The following DIAPH3 variants were observed in gnomAD, a reference collection of about 807,000 sequenced individuals.
The protein encoded by DIAPH3 is diaphanous related formin 3.
A neutral mutation model predicts 144.3 loss-of-function variants in DIAPH3; 117 were observed. The ratio of observed to expected loss-of-function variants is 0.81; its 90% confidence interval spans 0.70 to 0.95. The LOEUF (loss-of-function observed/expected upper bound fraction) is 0.95. Among genes scored for constraint, DIAPH3 ranks in the 40% least tolerant of loss-of-function variants. The pLI, the probability that DIAPH3 is intolerant of heterozygous loss-of-function variation, is 0.00. For missense variants in DIAPH3, 1,421 were observed against 1,412.7 expected, an observed-to-expected ratio of 1.01 and a Z score of -0.09; for synonymous variants, 519 against 488.9, an observed-to-expected ratio of 1.06 and a Z score of -0.81.
intron 25 of DIAPH3, among the ~76,000 whole-genome samples, chr13:59,780,949 A>C (rs949291150): frequency 6.6e-6 from 1 of 152,190 alleles, no homozygotes; most frequent in African/African-American, 2.4e-5. Context: ...TATTGTAAAA[A>C]ATACTCATTC....
intron 1 of DIAPH3, among the ~76,000 whole-genome samples, chr13:60,137,742 C>CTTT (rs35703399): frequency 1.7e-4 from 22 of 125,714 alleles, no homozygotes; most frequent in Non-Finnish European, 3.3e-4. Context: ...TTAAAATTGA[C>CTTT]TTTTTTTTTT....
At chr13:59,933,123 A>G (rs1284313538) in intron 17 of DIAPH3, among the ~76,000 whole-genome samples, 1 of 152,228 alleles carries the variant, frequency 6.6e-6, no homozygotes, top group Non-Finnish European at 1.5e-5. Flanking sequence ...GTTTTTGTAC[A>G]AAATACTATT....
chr13:59,994,975 G>T (rs2052100189), intron 9 of DIAPH3, among the ~76,000 whole-genome samples: 1 of 151,798 alleles, frequency 6.6e-6, no homozygotes, highest in South Asian at 2.1e-4. Context: ...TTTTGAGCAA[G>T]GAGGAAGGTT....
chr13:60,100,134 G>A (rs1000909047), intron 3 of DIAPH3, among the ~76,000 whole-genome samples: 9 of 152,112 alleles, frequency 5.9e-5, no homozygotes, highest in African/African-American at 2.2e-4. Flanking sequence ...CTTAATTATA[G>A]AGGGGAAATA....
chr13:59,793,353 C>T (rs1212599557), intron 25 of DIAPH3, among the ~76,000 whole-genome samples: 1 of 152,162 alleles, frequency 6.6e-6, no homozygotes, highest in Non-Finnish European at 1.5e-5. Context: ...AAAACACCTG[C>T]TTTGTCCTCC....
At chr13:60,111,903 A>G (rs1203094192) in intron 3 of DIAPH3, 107 bp downstream of exon 3, 2 of 1,083,960 alleles carry the variant, frequency 1.8e-6, no homozygotes, top group Non-Finnish European at 2.8e-6. Context: ...GTGACATCAG[A>G]AATTAGCCTA....
At position 59,919,802 on chromosome 13, in the gene DIAPH3, T is replaced by C. The variant is rs557243864; in HGVS notation, c.2171-3553A>G. Among the ~76,000 whole-genome samples the C allele has an allele frequency of 3.3e-5, 5 of 152,196 alleles. No individual in the cohort carries two copies. The East Asian group carries it at 7.7e-4, about 23-fold the overall frequency. On this transcript the variant is annotated intron_variant, in intron 18 of 27. Coordinates refer to ENST00000400324, the MANE Select transcript of DIAPH3 (RefSeq NM_001042517.2). ...GTGGTATGTAAATCACTTGTATCTT[T>C]AAAAGGGAGAATAGAGGACAAAACT...
At chr13:59,997,965 T>G (rs2052307465) in intron 9 of DIAPH3, among the ~76,000 whole-genome samples, 1 of 152,118 alleles carries the variant, frequency 6.6e-6, no homozygotes, top group Admixed American at 6.6e-5. Context: ...TATCTGGGCC[T>G]GGAAGATACA....
Position 59,940,058 on chromosome 13 carries a change from T to C in DIAPH3, c.2075-15188A>G, listed in dbSNP as rs576010700. ...TACTTATAAAATGAAAATCTCCCAATGTTTTCGAGCCTGCCCCCACTCCCC... is the reference window on the plus strand; with the variant it reads ...TACTTATAAAATGAAAATCTCCCAACGTTTTCGAGCCTGCCCCCACTCCCC... On this transcript the variant is annotated intron_variant, in intron 17 of 27. Transcript: ENST00000400324. Among the ~76,000 whole-genome samples the C allele has an allele frequency of 5.3e-5, 8 of 152,224 alleles. No homozygotes were observed. The South Asian group carries it at 1.7e-3, about 32-fold the overall frequency.
At chr13:60,090,460 G>A (rs2800305) in intron 4 of DIAPH3, among the ~76,000 whole-genome samples, 96,266 of 151,690 alleles carry the variant, frequency 0.63, 30,992 homozygotes, top group Admixed American at 0.72. Flanking sequence ...TTCAAACCAT[G>A]CACTGTTAGA....
intron 17 of DIAPH3, among the ~76,000 whole-genome samples, chr13:59,936,550 C>A (rs1400589764): frequency 5.3e-5 from 8 of 152,106 alleles, no homozygotes; most frequent in Non-Finnish European, 1.0e-4. Flanking sequence ...AAAGTTAAGC[C>A]TATCTATCAC....
intron 25 of DIAPH3, among the ~76,000 whole-genome samples, chr13:59,796,447 AGTT>A (rs890069858): frequency 3.9e-4 from 60 of 152,328 alleles, no homozygotes; most frequent in African/African-American, 1.4e-3. Context: ...GAAAATGAGA[AGTT>A]GTCAGTCTGT....
At chr13:59,793,978 A>G (rs534184630) in intron 25 of DIAPH3, among the ~76,000 whole-genome samples, 50 of 152,332 alleles carry the variant, frequency 3.3e-4, no homozygotes, top group African/African-American at 1.2e-3. Context: ...CTTTACAATC[A>G]AGCAAAGCAA....
At chr13:59,981,042 A>AT (rs1230011365) in intron 13 of DIAPH3, among the ~76,000 whole-genome samples, 183 bp from the exon 14 acceptor site, 24 of 151,662 alleles carry the variant, frequency 1.6e-4, no homozygotes, top group African/African-American at 5.8e-4. Context: ...TGATACCAGA[A>AT]AACAGAAAAC....
At position 59,865,889 on chromosome 13, in the gene DIAPH3, A is replaced by G. The variant is rs550079082; in HGVS notation, c.2608-4353T>C. On this transcript the variant is annotated intron_variant, in intron 21 of 27. Coordinates refer to ENST00000400324, the MANE Select transcript of DIAPH3 (RefSeq NM_001042517.2). ...GCATCTTCGTGATCTTCAGAAGTCA[A>G]GGAACTGGAATCCCTTCCTGTTTGA... Among the ~76,000 whole-genome samples, 594 of 152,174 alleles carry G rather than the reference A, an allele frequency of 3.9e-3. 3 individuals carry two copies. Among genetic ancestry groups the G allele is most frequent in the Non-Finnish European group, 6.3e-3 (431 of 67,914 alleles).
intron 20 of DIAPH3, among the ~76,000 whole-genome samples, chr13:59,890,340 T>C (rs928421931): frequency 6.6e-6 from 1 of 152,228 alleles, no homozygotes; most frequent in Non-Finnish European, 1.5e-5. Context: ...AGTGGAAAAC[T>C]GTCACCAAGC....
Position 59,981,956 on chromosome 13 carries a change from G to T in DIAPH3, c.1481-1097C>A, listed in dbSNP as rs1327045765. Among the ~76,000 whole-genome samples, 8 of 151,474 alleles carry T rather than the reference G, an allele frequency of 5.3e-5. 1 individual carries two copies. The East Asian group carries it at 5.8e-4, about 11-fold the overall frequency. On this transcript the variant is annotated intron_variant, in intron 13 of 27. Transcript: ENST00000400324. Reference sequence around the variant, plus strand: ...GATATTTTATTTACTAAACTGGATTGCTCCAGAGCATGAAATATTTAATTT... The same window carrying T: ...GATATTTTATTTACTAAACTGGATTTCTCCAGAGCATGAAATATTTAATTT...
intron 4 of DIAPH3, among the ~76,000 whole-genome samples, chr13:60,054,156 T>G (rs1003167180): frequency 2.6e-5 from 4 of 152,066 alleles, no homozygotes; most frequent in Non-Finnish European, 5.9e-5. Flanking sequence ...GGTGATAGCT[T>G]AATCTTTAAA....
At chr13:59,924,167 G>A (rs968232108) in intron 18 of DIAPH3, among the ~76,000 whole-genome samples, 3 of 152,122 alleles carry the variant, frequency 2.0e-5, no homozygotes, top group Admixed American at 6.6e-5. Context: ...TTAGAAATGA[G>A]TTAAGAGCAA....
Sources: gnomAD v4.1 joint callset for allele counts (sites outside exome capture counted in the v4.1 genomes callset) on GRCh38, gnomAD v4.1.1 for gene constraint, MANE v1.5 for transcripts, NCBI Gene and HGNC (gene_info 2026-07-23, HGNC 2026-07-21) for gene names.